The following CCDC34 variants were observed in gnomAD, a reference collection of about 807,000 sequenced individuals.
CCDC34 encodes coiled-coil domain-containing protein 34.
A neutral mutation model predicts 44.1 loss-of-function variants in CCDC34; 40 were observed. The ratio of observed to expected loss-of-function variants is 0.91; its 90% confidence interval spans 0.70 to 1.18. CCDC34 has a LOEUF of 1.18. CCDC34 is among the 50% of genes most tolerant of loss of function. The pLI is 0.00. For synonymous variants in CCDC34, 159 were observed against 158.2 expected (o/e 1.01, Z -0.04); for missense variants, 466 against 452.3 (o/e 1.03, Z -0.28).
intron 2 of CCDC34, 126 bp from the exon 3 acceptor site, chr11:27,350,565 C>T: frequency 1.2e-6 from 1 of 827,224 alleles, no homozygotes; most frequent in Non-Finnish European, 1.8e-6. Flanking sequence ...GCATATGCCA[C>T]TAGTGGCAAT....
chr11:27,359,666 T>C (rs1025095042), intron 1 of CCDC34, among the ~76,000 whole-genome samples: 1 of 152,166 alleles, frequency 6.6e-6, no homozygotes, highest in Non-Finnish European at 1.5e-5. Context: ...GCTATGTACA[T>C]TTTTTAAAAA....
chr11:27,357,448 G>A lies in CCDC34; in HGVS notation c.453C>T (p.Gly151=). The A allele has an allele frequency of 6.2e-7, 1 of 1,613,718 alleles. No homozygotes were observed. The highest frequency in any genetic ancestry group is 8.5e-7 in the Non-Finnish European group (1 of 1,179,828). ...RLTPWEVWFI[G]KEKEERDRLQ... is the part of the protein sequence containing the mutation. ...GCCGGTCACGTTCTTCTTTTTCTTT[G>A]CCAATAAACCACACCTCCCATGGTG... Residue 151 remains glycine (G), a synonymous_variant, in exon 2 of 6, where the codon GGC becomes GGT. Transcript: ENST00000328697.
chr11:27,350,240 A>C (rs1224260179), intron 3 of CCDC34, 92 bp downstream of exon 3: 8 of 1,602,340 alleles, frequency 5.0e-6, no homozygotes, highest in Middle Eastern at 3.3e-4. Flanking sequence ...CTCTAAGAGA[A>C]GTATTTTTTA....
chr11:27,341,278 T>C (rs1290831015), intron 4 of CCDC34, 114 bp downstream of exon 4: 6 of 624,402 alleles, frequency 9.6e-6, no homozygotes, highest in Non-Finnish European at 1.6e-5. Flanking sequence ...GCTTCTTGTG[T>C]TTATTTTATG....
intron 3 of CCDC34, 193 bp downstream of exon 3, chr11:27,350,139 A>G: frequency 6.9e-7 from 1 of 1,452,614 alleles, no homozygotes; most frequent in Non-Finnish European, 9.0e-7. Flanking sequence ...CAGGAGGGAA[A>G]AAGGAGAAAA....
rs866069390 is a variant in CCDC34, at chr11:27,346,830, T to C, written c.606+3502A>G. Among the ~76,000 whole-genome samples, 8 of 152,206 alleles carry C rather than the reference T, an allele frequency of 5.3e-5. No individual in the cohort carries two copies. In the South Asian group the frequency reaches 1.7e-3, roughly 32 times the overall value. On this transcript the variant is annotated intron_variant, in intron 3 of 5. Transcript: ENST00000328697. The stretch of plus-strand genomic sequence containing the variant: ...CTTTAAAGAGGTAATCAAGTTTAAA[T>C]GAGGTCATAAGGGTAGGACCCTAAT...
In CCDC34 at chr11:27,340,846, G is replaced by A; in HGVS notation, c.766-9C>T. The A allele has an allele frequency of 1.2e-6, 2 of 1,608,852 alleles. No homozygotes were observed. Among genetic ancestry groups the A allele is most frequent in the Non-Finnish European group, 1.7e-6 (2 of 1,177,574 alleles). ...TGTTGTTTTTCTTTTTCCTTAAAAT[G>A]ACAAGACCAAAATATTTCCAGGGAT... On this transcript the variant is annotated splice_polypyrimidine_tract_variant and intron_variant, in intron 4 of 5. Transcript: ENST00000328697.
chr11:27,362,551 G>GT (rs1413077199), intron 1 of CCDC34, among the ~76,000 whole-genome samples: 4 of 152,186 alleles, frequency 2.6e-5, no homozygotes, highest in African/African-American at 9.6e-5. Context: ...GCCTGAAATG[G>GT]TAGCAGAGTT....
At chr11:27,362,746 C>A in intron 1 of CCDC34, 90 bp downstream of exon 1, 2 of 1,429,914 alleles carry the variant, frequency 1.4e-6, no homozygotes, top group Non-Finnish European at 1.9e-6. Context: ...GCCTTTGGGG[C>A]GGAGGGCAGG....
chr11:27,363,014 T>C lies in CCDC34; in HGVS notation c.181A>G (p.Asn61Asp), dbSNP rs558630845. 1.2e-6 allele frequency: 2 copies of C among 1,614,182 alleles called. No homozygotes were observed. Among genetic ancestry groups the C allele is most frequent in the African/African-American group, 2.7e-5 (2 of 75,046 alleles). Residue 61 changes from asparagine (N) to aspartate (D), a missense_variant, in exon 1 of 6, where the codon AAT becomes GAT. Physicochemically the swap from Asn to Asp is conservative, Grantham distance 23. Transcript: ENST00000328697. The stretch of plus-strand genomic sequence containing the variant: ...GGAGACAACAGCGACCTGGTGGAAT[T>C]GCTGCAGCTCAGCGGCAGCGGCGGC... Reference protein sequence around the residue: ...PSPPLPLSCSNSTRSLLSPLG... With the variant: ...PSPPLPLSCSDSTRSLLSPLG...
intron 3 of CCDC34, chr11:27,349,358 C>T: frequency 4.5e-6 from 4 of 883,912 alleles, no homozygotes; most frequent in Non-Finnish European, 5.4e-6. Flanking sequence ...GGTTATAACA[C>T]ACATACATCT....
chr11:27,343,064 G>A (rs1356550471), intron 3 of CCDC34, among the ~76,000 whole-genome samples: 1 of 152,114 alleles, frequency 6.6e-6, no homozygotes, highest in African/African-American at 2.4e-5. Context: ...ATCAGTTATA[G>A]ACAAGATATG....
intron 2 of CCDC34, among the ~76,000 whole-genome samples, chr11:27,354,752 C>T (rs1862550575): frequency 6.6e-6 from 1 of 150,878 alleles, no homozygotes; most frequent in Admixed American, 6.6e-5. Flanking sequence ...CCTACAGTCC[C>T]AGCTACTCAG....
chr11:27,341,434 C>A lies in CCDC34; in HGVS notation c.723G>T (p.Lys241Asn). ...TCTCACATTCTTCAGCATTTTTTTTCTTTAACCATTCTTGATATTTTTCTT... is the reference window on the plus strand; with the variant it reads ...TCTCACATTCTTCAGCATTTTTTTTATTTAACCATTCTTGATATTTTTCTT... ...KAKEKYQEWL[K>N]KKNAEECERK... Residue 241 changes from lysine (K) to asparagine (N), a missense_variant, in exon 4 of 6, where the codon AAG becomes AAT. Physicochemically the swap from Lys to Asn is moderately conservative, Grantham distance 94 (BLOSUM62 0). Transcript: ENST00000328697. 6.9e-7 allele frequency: 1 copy of A among 1,455,044 alleles called. No individual in the cohort carries two copies. The highest frequency in any genetic ancestry group is 9.3e-7 in the Non-Finnish European group (1 of 1,079,620). The allele number at this position is 1,455,044 out of a possible 1,614,324, so 90.1% of individuals were successfully genotyped here. A position where few individuals can be genotyped will look rare whatever the true frequency, so the allele number is the denominator to read the frequency against.
intron 3 of CCDC34, among the ~76,000 whole-genome samples, chr11:27,345,848 G>A (rs2133341256): frequency 6.6e-6 from 1 of 152,278 alleles, no homozygotes; most frequent in South Asian, 2.1e-4. Flanking sequence ...CTAGATCCCT[G>A]AGGAATTGCC....
At chr11:27,339,366 T>C (rs1233528409) in intron 5 of CCDC34, among the ~76,000 whole-genome samples, 1 of 152,230 alleles carries the variant, frequency 6.6e-6, no homozygotes. Context: ...ACTTTCATTT[T>C]CTTAACTCAG....
chr11:27,347,731 G>C (rs1001916285), intron 3 of CCDC34, among the ~76,000 whole-genome samples: 6 of 152,078 alleles, frequency 3.9e-5, no homozygotes, highest in Admixed American at 1.3e-4. Flanking sequence ...AGGCTGGCTG[G>C]GGGCAGGGAG....
intron 3 of CCDC34, among the ~76,000 whole-genome samples, chr11:27,342,086 A>G (rs1210874867): frequency 2.0e-5 from 3 of 152,068 alleles, no homozygotes. Flanking sequence ...CCCCAGCCAC[A>G]TGGAAGTGTA....
rs1171120223 is a variant in CCDC34 at position 27,357,450 on chromosome 11, C to T, written c.451G>A (p.Gly151Ser). 2 of 1,613,952 alleles carry T rather than the reference C, an allele frequency of 1.2e-6. No individual in the cohort carries two copies. The highest frequency in any genetic ancestry group is 2.2e-5 in the East Asian group (1 of 44,858). The change falls in exon 2 of 6, where the codon GGC (glycine) becomes AGC (serine). Residue 151 changes from glycine (G) to serine (S), a missense_variant. Gly to Ser is a moderately conservative substitution (Grantham distance 56, BLOSUM62 0). Coordinates refer to ENST00000328697, the MANE Select transcript of CCDC34 (RefSeq NM_030771.2). ...RLTPWEVWFI[G>S]KEKEERDRLQ... ...CGGTCACGTTCTTCTTTTTCTTTGC[C>T]AATAAACCACACCTCCCATGGTGTC...
Sources: gnomAD v4.1 joint callset for allele counts (sites outside exome capture counted in the v4.1 genomes callset) on GRCh38, gnomAD v4.1.1 for gene constraint, MANE v1.5 for transcripts, NCBI Gene and HGNC (gene_info 2026-07-23, HGNC 2026-07-21) for gene names.